The following PKD2 variants were observed in gnomAD, a reference collection of about 807,000 sequenced individuals.
PKD2 encodes the protein polycystin 2, transient receptor potential cation channel, also known as polycystin-2.
A neutral mutation model predicts 105.9 loss-of-function variants in PKD2; 48 were observed. The observed-to-expected ratio is 0.45, with a 90% CI of 0.36 to 0.58. The LOEUF (loss-of-function observed/expected upper bound fraction) is 0.58. Among genes scored for constraint, PKD2 ranks in the 20% least tolerant of loss-of-function variants. The pLI, the probability that PKD2 is intolerant of heterozygous loss-of-function variation, is 0.00. For missense variants in PKD2, 1,078 were observed against 1,255.3 expected, an observed-to-expected ratio of 0.86 and a Z score of 2.13; for synonymous variants, 464 against 481.1, an observed-to-expected ratio of 0.96 and a Z score of 0.46.
chr4:88,035,294 C>T (rs1489396060), intron 2 of PKD2, among the ~76,000 whole-genome samples: 2 of 152,170 alleles, frequency 1.3e-5, no homozygotes, highest in South Asian at 2.1e-4. Context: ...GGATGTAGTT[C>T]GAGTTATAGG....
chr4:88,043,950 G>A (rs781715504), intron 5 of PKD2, among the ~76,000 whole-genome samples: 4 of 152,166 alleles, frequency 2.6e-5, no homozygotes, highest in East Asian at 1.9e-4. Flanking sequence ...CCAAAGGCAC[G>A]TAAAGTTCCT....
intron 1 of PKD2, 65 bp from the exon 2 acceptor site, chr4:88,019,393 T>C: frequency 1.2e-6 from 1 of 844,558 alleles, no homozygotes; most frequent in Non-Finnish European, 2.0e-6. Flanking sequence ...TATTTTCCCT[T>C]TTGCCATTCA....
rs143179765 is a variant in PKD2, at chr4:88,020,415, C to T, written c.709+844C>T. On this transcript the variant is annotated intron_variant, in intron 2 of 14. Coordinates refer to ENST00000237596, the MANE Select transcript of PKD2 (RefSeq NM_000297.4). ...TACTCCACAAGAAACTTGCTATAGG[C>T]CCATCTCTTTCGTCTTCTTTCCTTC... is the stretch of plus-strand genomic sequence containing the variant. Among the ~76,000 whole-genome samples, 73 of 152,220 alleles carry T rather than the reference C, an allele frequency of 4.8e-4. 1 individual carries two copies. Among genetic ancestry groups the T allele is most frequent in the African/African-American group, 1.6e-3 (66 of 41,534 alleles).
chr4:88,067,418 G>A (rs1366010462), intron 12 of PKD2, among the ~76,000 whole-genome samples: 1 of 151,826 alleles, frequency 6.6e-6, no homozygotes, highest in Non-Finnish European at 1.5e-5. Flanking sequence ...AAACTCCTAG[G>A]CTCAAGTGAT....
At chr4:88,030,411 A>T (rs566806561) in intron 2 of PKD2, among the ~76,000 whole-genome samples, 4 of 152,216 alleles carry the variant, frequency 2.6e-5, no homozygotes, top group African/African-American at 9.6e-5. Context: ...TGCTGGGATC[A>T]CTCTTCCATT....
intron 1 of PKD2, among the ~76,000 whole-genome samples, chr4:88,015,666 C>G (rs1266414999): frequency 6.6e-6 from 1 of 152,218 alleles, no homozygotes; most frequent in African/African-American, 2.4e-5. Context: ...AGGTGATCCA[C>G]CCACCTCGGC....
chr4:88,073,992 T>G (rs1199265299), intron 13 of PKD2, among the ~76,000 whole-genome samples: 2 of 152,220 alleles, frequency 1.3e-5, no homozygotes, highest in Non-Finnish European at 1.5e-5. Context: ...GTTTTCATAC[T>G]GTTTTTCAAG....
At chr4:88,030,450 C>G (rs932582155) in intron 2 of PKD2, among the ~76,000 whole-genome samples, 11 of 152,208 alleles carry the variant, frequency 7.2e-5, no homozygotes, top group African/African-American at 7.2e-5. Context: ...TCAAGATAAA[C>G]TTTAAAATCT....
Position 88,055,707 on chromosome 4 carries a change from T to C in PKD2, c.1717-379T>C, listed in dbSNP as rs1174720072. 2.0e-5 allele frequency among the ~76,000 whole-genome samples: 3 copies of C among 151,926 alleles called. No individual in the cohort carries two copies. The East Asian group carries it at 5.8e-4, about 29-fold the overall frequency. On this transcript the variant is annotated intron_variant, in intron 7 of 14. Transcript: ENST00000237596. Reference sequence around the variant, plus strand: ...TTTTAACCATGCTTAAGTGTACAATTCAGTGGCATTAAGTACATTCACAGT... The same window carrying C: ...TTTTAACCATGCTTAAGTGTACAATCCAGTGGCATTAAGTACATTCACAGT...
At chr4:88,010,357 C>T (rs937613693) in intron 1 of PKD2, among the ~76,000 whole-genome samples, 1 of 152,142 alleles carries the variant, frequency 6.6e-6, no homozygotes, top group Admixed American at 6.5e-5. Context: ...AAATAAGCAA[C>T]ATTTTAAAAT....
rs761436441 is a variant in PKD2 at position 88,019,526 on chromosome 4, C to T, written c.664C>T (p.Arg222Trp). 4 of 1,605,802 alleles carry T rather than the reference C, an allele frequency of 2.5e-6. No homozygotes were observed. The highest frequency in any genetic ancestry group is 2.2e-5 in the South Asian group (2 of 90,908). Reference sequence around the variant, plus strand: ...AGAGAAATACCTTAAAAGTGTTTTACGGGAACTGGTCACATACCTCCTTTT... The same window carrying T: ...AGAGAAATACCTTAAAAGTGTTTTATGGGAACTGGTCACATACCTCCTTTT... ...NREKYLKSVL[R>W]ELVTYLLFLI... The change falls in exon 2 of 15, where the codon CGG becomes TGG. Residue 222 changes from arginine to tryptophan, a missense_variant. By Grantham distance (101) the Arg-to-Trp change is moderately radical. This residue lies in a region of PKD2 where 868 missense variants were observed against 1,067.3 expected (regional missense o/e 0.81). Transcript: ENST00000237596.
At chr4:88,015,866 T>C (rs1032727436) in intron 1 of PKD2, among the ~76,000 whole-genome samples, 11 of 152,186 alleles carry the variant, frequency 7.2e-5, no homozygotes, top group African/African-American at 1.9e-4. Context: ...ATAAGTAACA[T>C]TGAGCAGAGG....
chr4:88,065,791 C>T lies in PKD2; in HGVS notation c.2270C>T (p.Ala757Val), dbSNP rs1720769796. 3.1e-6 allele frequency: 5 copies of T among 1,612,632 alleles called. No individual in the cohort carries two copies. Among genetic ancestry groups the T allele is most frequent in the Non-Finnish European group, 4.2e-6 (5 of 1,178,692 alleles). ...GKGHTDAEIE[A>V]IFTKYDQDGD... ...GGCCATACTGATGCAGAGATTGAGG[C>T]AATATTCACAAAGTACGACCAAGAT... Residue 757 changes from alanine to valine, a missense_variant, in exon 12 of 15, where the codon GCA becomes GTA. By Grantham distance (64) the Ala-to-Val change is moderately conservative. Transcript: ENST00000237596.
chr4:88,068,579 CAATGAAA>C (rs1720883225), intron 13 of PKD2, among the ~76,000 whole-genome samples: 1 of 152,008 alleles, frequency 6.6e-6, no homozygotes, highest in African/African-American at 2.4e-5. Context: ...ATATTTCTAC[CAATGAAA>C]AATGTTTATT....
At chr4:88,052,390 T>C (rs1232889469) in intron 7 of PKD2, among the ~76,000 whole-genome samples, 1 of 152,048 alleles carries the variant, frequency 6.6e-6, no homozygotes, top group South Asian at 2.1e-4. Context: ...CACCTTATCC[T>C]CCGAAGTCAC....
rs766631137 is a variant in PKD2 at position 88,069,636 on chromosome 4, T to A, written c.2522+1575T>A. 4.3e-4 allele frequency among the ~76,000 whole-genome samples: 65 copies of A among 152,200 alleles called. No individual in the cohort carries two copies. The Middle Eastern group carries it at 0.01, about 24-fold the overall frequency. ...TCTACATATGTTGCAAATCACATTG[T>A]TAGAACAATGTTACATTTTTATAAC... is the stretch of plus-strand genomic sequence containing the variant. On this transcript the variant is annotated intron_variant, in intron 13 of 14. Transcript: ENST00000237596.
At chr4:88,014,060 C>T (rs761394288) in intron 1 of PKD2, among the ~76,000 whole-genome samples, 2 of 151,774 alleles carry the variant, frequency 1.3e-5, no homozygotes, top group East Asian at 1.9e-4. Flanking sequence ...GGAGGGGTGA[C>T]GAGGGCTGGA....
intron 6 of PKD2, among the ~76,000 whole-genome samples, chr4:88,047,299 G>A (rs563505276): frequency 8.5e-5 from 13 of 152,058 alleles, no homozygotes; most frequent in East Asian, 1.9e-4. Context: ...GCTCATGCCT[G>A]TAATCCCAGC....
intron 13 of PKD2, among the ~76,000 whole-genome samples, chr4:88,070,591 T>TAGAGAG (rs1380301242): frequency 1.5e-4 from 16 of 104,162 alleles, no homozygotes; most frequent in African/African-American, 5.3e-4. Context: ...TATATATATA[T>TAGAGAG]ATATATATAT....
Sources: allele counts gnomAD v4.1 joint callset (sites outside exome capture counted in the v4.1 genomes callset), GRCh38; gene constraint gnomAD v4.1.1; regional missense constraint gnomAD v4.1.1; transcripts MANE v1.5; gene names NCBI Gene and HGNC (gene_info 2026-07-23, HGNC 2026-07-21).